The following PRKG1 variants were observed in gnomAD, a reference collection of about 807,000 sequenced individuals.
PRKG1 encodes cGMP-dependent protein kinase 1.
A neutral mutation model predicts 88.1 loss-of-function variants in PRKG1; 35 were observed. The observed-to-expected ratio is 0.40, with a 90% CI of 0.30 to 0.53. The LOEUF (loss-of-function observed/expected upper bound fraction) is 0.53. Ranked by LOEUF, PRKG1 falls within the 20% of genes least tolerant of loss-of-function variation. PRKG1 has a pLI of 0.59. For synonymous variants in PRKG1, 303 were observed against 292.5 expected (o/e 1.04, Z -0.37); for missense variants, 540 against 839.8 (o/e 0.64, Z 4.41).
intron 3 of PRKG1, among the ~76,000 whole-genome samples, chr10:51,551,086 T>A (rs1267729677): frequency 1.3e-5 from 2 of 151,914 alleles, no homozygotes; most frequent in Non-Finnish European, 2.9e-5. Flanking sequence ...TCATAATTTT[T>A]AAATATGTTC....
At chr10:52,194,216 T>A (rs1177414178) in intron 9 of PRKG1, among the ~76,000 whole-genome samples, 1 of 152,190 alleles carries the variant, frequency 6.6e-6, no homozygotes, top group Non-Finnish European at 1.5e-5. Context: ...GGAAACATAA[T>A]TTCCTGTTTT....
At position 51,279,685 on chromosome 10, in the gene PRKG1, G is replaced by C. The variant is rs533494961; in HGVS notation, c.478+126355G>C. 2.0e-5 allele frequency among the ~76,000 whole-genome samples: 3 copies of C among 152,238 alleles called. No homozygotes were observed. In the East Asian group the frequency reaches 5.8e-4, roughly 29 times the overall value. ...TTGGTTTACAGTCTGTTTTATCAGA[G>C]ACTAGGATTGCAACCCCTGCCTTTG... On this transcript the variant is annotated intron_variant, in intron 2 of 17. Coordinates refer to ENST00000373980, the MANE Select transcript of PRKG1 (RefSeq NM_006258.4).
chr10:51,465,772 G>T (rs1162723752), intron 2 of PRKG1, among the ~76,000 whole-genome samples: 2 of 152,094 alleles, frequency 1.3e-5, no homozygotes, highest in Non-Finnish European at 2.9e-5. Context: ...ATTGTTCTTG[G>T]TTAGTTTCTG....
intron 3 of PRKG1, among the ~76,000 whole-genome samples, chr10:51,626,296 T>C (rs943575389): frequency 2.0e-5 from 3 of 152,224 alleles, no homozygotes; most frequent in African/African-American, 7.2e-5. Flanking sequence ...GCATGAAATG[T>C]GAAATGTACA....
chr10:51,689,044 G>T (rs933885560), intron 3 of PRKG1, among the ~76,000 whole-genome samples: 33 of 152,086 alleles, frequency 2.2e-4, no homozygotes, highest in African/African-American at 5.6e-4. Flanking sequence ...TCTGCCTACT[G>T]CCATCCATAT....
At position 51,643,699 on chromosome 10, in the gene PRKG1, G is replaced by A. The variant is rs79061478; in HGVS notation, c.593-160886G>A. On this transcript the variant is annotated intron_variant, in intron 3 of 17. Transcript: ENST00000373980. ...AAGTAATTCTCTGGTGTCCTTAAATGCAACTGTTTCTTAAAAATCTCCAAA... is the reference window on the plus strand; with the variant it reads ...AAGTAATTCTCTGGTGTCCTTAAATACAACTGTTTCTTAAAAATCTCCAAA... Among the ~76,000 whole-genome samples the A allele has an allele frequency of 4.1e-4, 63 of 152,250 alleles. 1 individual carries two copies. The highest frequency in any genetic ancestry group is 1.2e-3 in the South Asian group (6 of 4,826).
chr10:52,016,492 G>A (rs1193938911), intron 5 of PRKG1, among the ~76,000 whole-genome samples: 2 of 152,164 alleles, frequency 1.3e-5, no homozygotes, highest in Non-Finnish European at 1.5e-5. Flanking sequence ...TTCAAGTGGG[G>A]ACACAGAGCC....
chr10:51,384,849 G>A (rs1202975511), intron 2 of PRKG1, among the ~76,000 whole-genome samples: 1 of 152,172 alleles, frequency 6.6e-6, no homozygotes, highest in Non-Finnish European at 1.5e-5. Flanking sequence ...AATAGCTGTT[G>A]AGTGATACTG....
At chr10:51,048,848 A>G (rs953499886) in intron 1 of PRKG1, among the ~76,000 whole-genome samples, 1 of 143,788 alleles carries the variant, frequency 7.0e-6, no homozygotes, top group African/African-American at 2.6e-5. Context: ...GAGGGAGTAT[A>G]GTGACTTTTT....
intron 3 of PRKG1, among the ~76,000 whole-genome samples, chr10:51,528,043 C>T (rs1370828050): frequency 6.6e-6 from 1 of 152,148 alleles, no homozygotes; most frequent in Non-Finnish European, 1.5e-5. Flanking sequence ...TTATAGCTTG[C>T]CGTGCTTTGA....
intron 2 of PRKG1, among the ~76,000 whole-genome samples, chr10:51,202,101 C>T (rs1837926820): frequency 6.6e-6 from 1 of 152,158 alleles, no homozygotes; most frequent in Non-Finnish European, 1.5e-5. Flanking sequence ...TAGGTGGGTA[C>T]ACCTGCCTCC....
At chr10:52,029,799 C>A (rs918344801) in intron 5 of PRKG1, among the ~76,000 whole-genome samples, 2 of 152,086 alleles carry the variant, frequency 1.3e-5, no homozygotes, top group East Asian at 3.9e-4. Context: ...TGTGGTTTCC[C>A]ATTCTATAGA....
chr10:51,540,604 G>A (rs1235294343), intron 3 of PRKG1, among the ~76,000 whole-genome samples: 1 of 152,028 alleles, frequency 6.6e-6, no homozygotes, highest in Non-Finnish European at 1.5e-5. Context: ...GTATGTCAGG[G>A]AAATTTCACA....
At chr10:52,171,720 T>A (rs563677267) in intron 9 of PRKG1, among the ~76,000 whole-genome samples, 77 of 148,206 alleles carry the variant, frequency 5.2e-4, no homozygotes, top group African/African-American at 1.3e-3. Context: ...GTTGCTTTTT[T>A]AAAAAAAAAT....
At chr10:51,211,646 A>C (rs1838223482) in intron 2 of PRKG1, among the ~76,000 whole-genome samples, 1 of 152,204 alleles carries the variant, frequency 6.6e-6, no homozygotes, top group African/African-American at 2.4e-5. Flanking sequence ...ATGTACAAAA[A>C]TCACAAGCAT....
chr10:51,282,881 G>C (rs1379727604), intron 2 of PRKG1, among the ~76,000 whole-genome samples: 1 of 151,928 alleles, frequency 6.6e-6, no homozygotes, highest in Non-Finnish European at 1.5e-5. Flanking sequence ...AGATTTGGGG[G>C]GTACATGTGC....
chr10:52,040,541 G>T (rs1049506048), intron 5 of PRKG1, among the ~76,000 whole-genome samples: 1 of 152,048 alleles, frequency 6.6e-6, no homozygotes, highest in African/African-American at 2.4e-5. Flanking sequence ...ATAGATTTTT[G>T]GTGTTTTGTG....
intron 2 of PRKG1, among the ~76,000 whole-genome samples, chr10:51,346,488 G>A (rs761442405): frequency 2.6e-5 from 4 of 152,122 alleles, no homozygotes; most frequent in Non-Finnish European, 4.4e-5. Flanking sequence ...TATTTCTCAA[G>A]TGAAATTTTG....
chr10:51,057,226 G>C (rs1268402351), intron 1 of PRKG1, among the ~76,000 whole-genome samples: 1 of 152,102 alleles, frequency 6.6e-6, no homozygotes, highest in Non-Finnish European at 1.5e-5. Context: ...GACATTTTGA[G>C]GTCAGGATAT....
Sources: allele counts gnomAD v4.1 joint callset (sites outside exome capture counted in the v4.1 genomes callset), GRCh38; gene constraint gnomAD v4.1.1; transcripts MANE v1.5; gene names NCBI Gene and HGNC (gene_info 2026-07-23, HGNC 2026-07-21).